The following POU6F2 variants were observed in gnomAD, a reference collection of about 807,000 sequenced individuals.
The protein encoded by POU6F2 is POU domain, class 6, transcription factor 2.
In POU6F2, 31 loss-of-function variants were observed where a neutral mutation model predicts 71.3. The ratio of observed to expected loss-of-function variants is 0.43; its 90% CI spans 0.33 to 0.59. The LOEUF is 0.59. Ranked by LOEUF, POU6F2 falls within the 20% of genes least tolerant of loss-of-function variation. The pLI, the probability that POU6F2 is intolerant of heterozygous loss-of-function variation, is 0.04. For synonymous variants in POU6F2, 347 were observed against 355.7 expected (o/e 0.98, Z 0.27); for missense variants, 783 against 856.8 (o/e 0.91, Z 1.07).
At chr7:39,186,794 G>T (rs1793548789) in intron 2 of POU6F2, among the ~76,000 whole-genome samples, 1 of 152,156 alleles carries the variant, frequency 6.6e-6, no homozygotes, top group Admixed American at 6.5e-5. Context: ...GTCAGGGTCT[G>T]CTCCTTCCCC....
intron 2 of POU6F2, among the ~76,000 whole-genome samples, chr7:39,185,839 GTATATGTATATGTATGTGTA>G (rs1562738006): frequency 4.6e-5 from 5 of 109,676 alleles, no homozygotes; most frequent in African/African-American, 1.6e-4. Context: ...ATATGTATAT[GTATATGTATATGTATGTGTA>G]TATATGTATA....
At chr7:39,000,329 T>C (rs1476395914) in intron 1 of POU6F2, among the ~76,000 whole-genome samples, 2 of 152,246 alleles carry the variant, frequency 1.3e-5, no homozygotes, top group African/African-American at 4.8e-5. Flanking sequence ...AGCCTCTTAC[T>C]GTTTAACACT....
At chr7:39,415,375 C>T (rs1469800828) in intron 6 of POU6F2, among the ~76,000 whole-genome samples, 4 of 152,200 alleles carry the variant, frequency 2.6e-5, no homozygotes, top group African/African-American at 7.2e-5. Context: ...AATTGGGAAA[C>T]GTTTTCTTGT....
intron 5 of POU6F2, among the ~76,000 whole-genome samples, chr7:39,347,198 T>C (rs1398443597): frequency 6.6e-6 from 1 of 152,158 alleles, no homozygotes; most frequent in Non-Finnish European, 1.5e-5. Context: ...TCCTGCCTAC[T>C]TTTTTTCCAT....
intron 1 of POU6F2, among the ~76,000 whole-genome samples, chr7:39,011,624 G>T (rs1789287933): frequency 6.7e-6 from 1 of 149,178 alleles, no homozygotes. Context: ...AGTCTCGATG[G>T]TCTTTACATT....
At chr7:39,182,207 AG>A (rs1370891348) in intron 2 of POU6F2, among the ~76,000 whole-genome samples, 1 of 152,242 alleles carries the variant, frequency 6.6e-6, no homozygotes, top group Non-Finnish European at 1.5e-5. Context: ...ATATGTGCTA[AG>A]CACTCAGTTA....
At chr7:39,254,674 T>C (rs1783985791) in intron 4 of POU6F2, among the ~76,000 whole-genome samples, 1 of 152,192 alleles carries the variant, frequency 6.6e-6, no homozygotes. Context: ...CCATACCATT[T>C]TGGCCATCCT....
chr7:39,083,397 TAA>T (rs1791167239), intron 1 of POU6F2, among the ~76,000 whole-genome samples: 1 of 152,044 alleles, frequency 6.6e-6, no homozygotes, highest in Non-Finnish European at 1.5e-5. Context: ...TTTTAAAAAG[TAA>T]AAAGAGTGGA....
At chr7:39,053,355 C>G (rs1234514271) in intron 1 of POU6F2, among the ~76,000 whole-genome samples, 1 of 152,072 alleles carries the variant, frequency 6.6e-6, no homozygotes, top group African/African-American at 2.4e-5. Flanking sequence ...AAGGTACTTT[C>G]TAAAAGAGAA....
chr7:38,986,633 G>A (rs760734836), intron 1 of POU6F2, among the ~76,000 whole-genome samples: 1 of 152,080 alleles, frequency 6.6e-6, no homozygotes, highest in South Asian at 2.1e-4. Flanking sequence ...TAATTACATG[G>A]TAGACTCCTA....
chr7:39,015,761 A>ATATATTATATATATTATATATGG (rs1562670502), intron 1 of POU6F2, among the ~76,000 whole-genome samples: 4 of 93,020 alleles, frequency 4.3e-5, no homozygotes, highest in Non-Finnish European at 7.5e-5. Flanking sequence ...TTATATATAG[A>ATATATTATATATATTATATATGG]TATATTATAT....
intron 2 of POU6F2, among the ~76,000 whole-genome samples, chr7:39,117,200 A>G (rs1044226353): frequency 1.3e-5 from 2 of 151,814 alleles, no homozygotes; most frequent in Admixed American, 1.3e-4. Context: ...TTATGATAAT[A>G]AATCTTTAGT....
At chr7:39,087,082 A>C (rs1171554317) in intron 2 of POU6F2, among the ~76,000 whole-genome samples, 2 of 148,734 alleles carry the variant, frequency 1.3e-5, no homozygotes, top group African/African-American at 2.5e-5. Context: ...AAAAAAAAAA[A>C]TCATTACATA....
At chr7:39,278,286 C>G (rs1334528234) in intron 4 of POU6F2, among the ~76,000 whole-genome samples, 5 of 152,118 alleles carry the variant, frequency 3.3e-5, no homozygotes, top group Non-Finnish European at 5.9e-5. Context: ...TGGAAGTAAG[C>G]TCTTTCCATA....
chr7:39,103,015 G>A (rs532766135), intron 2 of POU6F2, among the ~76,000 whole-genome samples: 1 of 144,584 alleles, frequency 6.9e-6, no homozygotes, highest in Middle Eastern at 3.5e-3. Context: ...GGTGTAAACT[G>A]TATATATCAA....
intron 5 of POU6F2, among the ~76,000 whole-genome samples, chr7:39,362,549 G>A (rs1213389913): frequency 2.6e-5 from 4 of 152,104 alleles, no homozygotes; most frequent in African/African-American, 9.7e-5. Flanking sequence ...CTGATCTACA[G>A]TTCTGGTATC....
chr7:39,101,230 A>C (rs777199312), intron 2 of POU6F2, among the ~76,000 whole-genome samples: 2 of 151,478 alleles, frequency 1.3e-5, no homozygotes, highest in Non-Finnish European at 2.9e-5. Context: ...CCCGCCACCA[A>C]ACCCAGCTAA....
At chr7:39,142,027 C>T (rs1792513991) in intron 2 of POU6F2, among the ~76,000 whole-genome samples, 1 of 151,944 alleles carries the variant, frequency 6.6e-6, no homozygotes, top group Non-Finnish European at 1.5e-5. Flanking sequence ...ATGGAGGTTG[C>T]AGTGAGCGGA....
intron 4 of POU6F2, among the ~76,000 whole-genome samples, chr7:39,299,902 TTTTGCTGCCAAA>T (rs1784922486): frequency 6.6e-6 from 1 of 152,150 alleles, no homozygotes; most frequent in Admixed American, 6.5e-5. Context: ...AGGCCATGCT[TTTTGCTGCCAAA>T]CAGCCACTGT....
Sources: gnomAD v4.1 joint callset for allele counts (sites outside exome capture counted in the v4.1 genomes callset) on GRCh38, gnomAD v4.1.1 for gene constraint, MANE v1.5 for transcripts, NCBI Gene and HGNC (gene_info 2026-07-23, HGNC 2026-07-21) for gene names.